CCDC150: variants seen among roughly 807,000 people sequenced by gnomAD.
CCDC150 encodes the protein coiled-coil domain-containing protein 150.
A neutral mutation model predicts 156.5 loss-of-function variants in CCDC150; 151 were observed. The observed-to-expected ratio is 0.97, with a 90% CI of 0.85 to 1.10. The LOEUF (loss-of-function observed/expected upper bound fraction) is 1.10, where lower values mean the gene tolerates loss of function less well. Ranked by LOEUF, CCDC150 falls within the 50% of genes least tolerant of loss-of-function variation. The pLI is 0.00. For synonymous variants in CCDC150, 452 were observed against 429.4 expected (o/e 1.05, Z -0.65); for missense variants, 1,312 against 1,268.1 (o/e 1.03, Z -0.53).
At chr2:196,699,551 G>A (rs921759505) in intron 14 of CCDC150, among the ~76,000 whole-genome samples, 1 of 149,052 alleles carries the variant, frequency 6.7e-6, no homozygotes, top group Non-Finnish European at 1.5e-5. Flanking sequence ...TGGGGGTCTT[G>A]CTCTGTCTTC....
chr2:196,713,381 C>A, intron 17 of CCDC150: 2 of 1,506,110 alleles, frequency 1.3e-6, no homozygotes, highest in South Asian at 1.3e-5. Flanking sequence ...AAGGAAATCC[C>A]CAGAGAGGAC....
intron 15 of CCDC150, among the ~76,000 whole-genome samples, chr2:196,711,188 A>G (rs1048069208): frequency 2.0e-5 from 3 of 152,360 alleles, no homozygotes; most frequent in South Asian, 2.1e-4. Flanking sequence ...TGAACTTTTT[A>G]TAAAGTAAAT....
chr2:196,725,922 C>T, intron 21 of CCDC150, 51 bp from the exon 22 acceptor site: 1 of 1,526,088 alleles, frequency 6.6e-7, no homozygotes, highest in Non-Finnish European at 8.8e-7. Flanking sequence ...ACTTTCTTAC[C>T]TCCTAAAATG....
At chr2:196,710,619 A>G (rs1490174217) in intron 15 of CCDC150, among the ~76,000 whole-genome samples, 2 of 152,146 alleles carry the variant, frequency 1.3e-5, no homozygotes, top group Middle Eastern at 3.2e-3. Flanking sequence ...AGCTGTTCCT[A>G]TTTGGTCATC....
At chr2:196,690,304 G>T (rs909225999) in intron 13 of CCDC150, among the ~76,000 whole-genome samples, 4 of 151,930 alleles carry the variant, frequency 2.6e-5, no homozygotes, top group African/African-American at 9.7e-5. Flanking sequence ...AATGGGTGCA[G>T]CACACCAGCA....
intron 9 of CCDC150, 91 bp downstream of exon 9, chr2:196,672,528 A>AT (rs1694264764): frequency 1.7e-6 from 1 of 591,562 alleles, no homozygotes. Flanking sequence ...GATTATATAA[A>AT]TTCATACCAT....
At chr2:196,645,912 C>T (rs1381645392) in intron 1 of CCDC150, among the ~76,000 whole-genome samples, 1 of 152,170 alleles carries the variant, frequency 6.6e-6, no homozygotes, top group Non-Finnish European at 1.5e-5. Context: ...GCCATTCCCT[C>T]AGCAAGTCAT....
intron 1 of CCDC150, among the ~76,000 whole-genome samples, chr2:196,643,411 CCTT>C (rs1692353204): frequency 6.7e-6 from 1 of 149,858 alleles, no homozygotes. Context: ...ACATGTTGGA[CCTT>C]CTTTTTTTTA....
At chr2:196,669,260 A>G (rs778888520) in intron 7 of CCDC150, among the ~76,000 whole-genome samples, 5 of 152,114 alleles carry the variant, frequency 3.3e-5, no homozygotes, top group South Asian at 2.1e-4. Context: ...CACTCATTCT[A>G]TCCCCGAAAC....
At chr2:196,706,834 A>C (rs550845197) in intron 15 of CCDC150, among the ~76,000 whole-genome samples, 1 of 152,290 alleles carries the variant, frequency 6.6e-6, no homozygotes, top group East Asian at 1.9e-4. Flanking sequence ...TGTATGTTGA[A>C]CCAGTCTTGC....
chr2:196,720,081 T>C, intron 19 of CCDC150: 1 of 397,752 alleles, frequency 2.5e-6, no homozygotes, highest in East Asian at 8.1e-5. Context: ...ATAATTATTT[T>C]AGGTGAATCA....
intron 2 of CCDC150, among the ~76,000 whole-genome samples, chr2:196,655,874 G>A (rs1342167718): frequency 2.0e-5 from 3 of 152,100 alleles, no homozygotes; most frequent in Non-Finnish European, 4.4e-5. Context: ...TTGATGGAGT[G>A]AGCCAGGGGA....
intron 13 of CCDC150, chr2:196,686,329 A>G (rs1695126783): frequency 6.3e-6 from 1 of 157,866 alleles, no homozygotes; most frequent in South Asian, 1.8e-4. Flanking sequence ...TCCACAGACT[A>G]TGATTATTGT....
chr2:196,718,927 T>C (rs1485904763), intron 18 of CCDC150, among the ~76,000 whole-genome samples: 2 of 151,016 alleles, frequency 1.3e-5, no homozygotes, highest in Non-Finnish European at 3.0e-5. Context: ...ATAACCTTTA[T>C]AGTTATGTTT....
intron 15 of CCDC150, among the ~76,000 whole-genome samples, chr2:196,710,304 G>A (rs1697013559): frequency 6.6e-6 from 1 of 152,274 alleles, no homozygotes; most frequent in South Asian, 2.1e-4. Flanking sequence ...GACCCGCCAA[G>A]CCAGGCGCAG....
At chr2:196,723,309 T>C (rs1698030748) in intron 21 of CCDC150, among the ~76,000 whole-genome samples, 3 of 152,176 alleles carry the variant, frequency 2.0e-5, no homozygotes, top group African/African-American at 7.2e-5. Context: ...GAGACCATCC[T>C]GGCCAACATG....
rs1693871962 is a variant in CCDC150 at position 196,666,833 on chromosome 2, C to G, written c.877C>G (p.Leu293Val). Residue 293 changes from leucine to valine, a missense_variant, in exon 7 of 28, where the codon CTC becomes GTC. By Grantham distance (32) the Leu-to-Val change is conservative. Coordinates refer to ENST00000389175, the MANE Select transcript of CCDC150 (RefSeq NM_001080539.2). ...KEELEIATSQ[L>V]KSDLTSRDDL... is the part of the protein sequence containing the mutation. The stretch of plus-strand genomic sequence containing the variant: ...AGAGTTGGAGATTGCTACTTCACAG[C>G]TCAAATCTGATCTAAGTATGAAAAT... 6.2e-7 allele frequency: 1 copy of G among 1,613,388 alleles called. No individual in the cohort carries two copies. Among genetic ancestry groups the G allele is most frequent in the Admixed American group, 1.7e-5 (1 of 59,972 alleles).
At chr2:196,685,063 G>C (rs959637845) in intron 13 of CCDC150, among the ~76,000 whole-genome samples, 1 of 151,826 alleles carries the variant, frequency 6.6e-6, no homozygotes, top group African/African-American at 2.4e-5. Flanking sequence ...TGTTAAGGTA[G>C]GATTTATATC....
chr2:196,666,902 G>A, intron 7 of CCDC150, 54 bp downstream of exon 7: 4 of 1,598,654 alleles, frequency 2.5e-6, no homozygotes, highest in Non-Finnish European at 3.4e-6. Context: ...GAGATTTCAT[G>A]GAAAAACTCT....
Sources: allele counts gnomAD v4.1 joint callset (sites outside exome capture counted in the v4.1 genomes callset), GRCh38; gene constraint gnomAD v4.1.1; transcripts MANE v1.5; gene names NCBI Gene and HGNC (gene_info 2026-07-23, HGNC 2026-07-21).